Variants in SP140 observed in about 807,000 individuals in gnomAD.
The protein encoded by SP140 is SP140 nuclear body protein, also known as nuclear body protein SP140.
A neutral mutation model predicts 125.0 loss-of-function variants in SP140; 81 were observed. That is an observed-to-expected ratio of 0.65 (90% CI 0.54 to 0.78). The LOEUF (loss-of-function observed/expected upper bound fraction) is 0.78. Among genes scored for constraint, SP140 ranks in the 30% least tolerant of loss-of-function variants. The probability of loss-of-function intolerance (pLI) is 0.00; values close to 1 mark genes in which losing one functional copy is unlikely to be tolerated. For missense variants in SP140, 858 were observed against 1,037.0 expected (o/e 0.83, Z 2.37); for synonymous variants, 312 against 354.0 (o/e 0.88, Z 1.33).
At chr2:230,293,995 A>G (rs189401902) in intron 20 of SP140, among the ~76,000 whole-genome samples, 1 of 152,286 alleles carries the variant, frequency 6.6e-6, no homozygotes, top group Admixed American at 6.5e-5. Flanking sequence ...AAGAGAGGTG[A>G]TAGGTGGTAT....
upstream of SP140, chr2:230,202,507 C>T (rs2148860526): frequency 1.4e-6 from 2 of 1,456,014 alleles, no homozygotes; most frequent in Non-Finnish European, 1.9e-6. Flanking sequence ...ATCTACTTAA[C>T]TCTGTACCTG....
rs185377235 is a variant in SP140 at position 230,264,825 on chromosome 2, C to T, written c.1241-4707C>T. Among the ~76,000 whole-genome samples the T allele has an allele frequency of 9.3e-4, 142 of 152,264 alleles. 2 individuals are homozygous for T. Among genetic ancestry groups the T allele is most frequent in the African/African-American group, 3.2e-3 (132 of 41,548 alleles). On this transcript the variant is annotated intron_variant, in intron 12 of 26. Coordinates refer to ENST00000392045, the MANE Select transcript of SP140 (RefSeq NM_007237.5). Reference sequence around the variant, plus strand: ...TCTGCACAGAGTCCTGTGATGTGAACCATCTATGGGTCTCTCAGCTGTGGA... The same window carrying T: ...TCTGCACAGAGTCCTGTGATGTGAATCATCTATGGGTCTCTCAGCTGTGGA...
At chr2:230,244,517 C>G (rs938280669) in intron 5 of SP140, among the ~76,000 whole-genome samples, 4 of 152,152 alleles carry the variant, frequency 2.6e-5, no homozygotes, top group Non-Finnish European at 5.9e-5. Context: ...GGGAGTGGGC[C>G]AGGGCCTGGT....
At chr2:230,298,595 T>A (rs1453932323) in intron 22 of SP140, among the ~76,000 whole-genome samples, 4 of 152,194 alleles carry the variant, frequency 2.6e-5, no homozygotes, top group Admixed American at 1.3e-4. Flanking sequence ...AGGGAAACAG[T>A]TCCAGCAAAG....
rs748642404 is a variant in SP140, at chr2:230,238,792, A to G, written c.406+411A>G. 12 of 1,553,582 alleles carry G rather than the reference A, an allele frequency of 7.7e-6. No homozygotes were observed. The South Asian group carries it at 1.2e-4, about 15-fold the overall frequency. ...TATCATCCAGTGCAGTCCTGTGTCA[A>G]CTTGTTTCTCCAAACAAAGACTGGA... is the stretch of plus-strand genomic sequence containing the variant. On this transcript the variant is annotated intron_variant, in intron 3 of 26. Coordinates refer to ENST00000392045, the MANE Select transcript of SP140 (RefSeq NM_007237.5).
chr2:230,244,849 C>A, intron 5 of SP140, 139 bp from the exon 6 acceptor site: 1 of 581,008 alleles, frequency 1.7e-6, no homozygotes, highest in Non-Finnish European at 3.1e-6. Flanking sequence ...CAGAGCAAGG[C>A]TGTGGCGGGG....
Position 230,237,325 on chromosome 2 carries a change from G to T in SP140, c.237+65G>T. ...ACTCAATTATGCCAAACTTCAAGAT[G>T]CAATGAGCAGGCTAAAGGGCCTCCT... On this transcript the variant is annotated intron_variant, in intron 2 of 26. Transcript: ENST00000392045. The surrounding 1 kb of genome is among the most constrained non-coding windows in gnomAD (Gnocchi z 5.4). The T allele has an allele frequency of 6.8e-7, 1 of 1,479,442 alleles. No individual in the cohort carries two copies. Among genetic ancestry groups the T allele is most frequent in the Non-Finnish European group, 9.3e-7 (1 of 1,073,658 alleles). The allele number at this position is 1,479,442 out of a possible 1,614,324, so 91.6% of individuals were successfully genotyped here.
upstream of SP140, chr2:230,221,646 G>A (rs1343746048): frequency 6.8e-7 from 1 of 1,469,644 alleles, no homozygotes; most frequent in Non-Finnish European, 9.2e-7. Context: ...CTGTGATGCA[G>A]GGGATGGCGG....
At chr2:230,195,148 T>C in the SP140 span, among the ~76,000 whole-genome samples, 1 of 152,184 alleles carries the variant, frequency 6.6e-6, no homozygotes, top group Non-Finnish European at 1.5e-5. Context: ...CTACAAATAT[T>C]GATCTACAAA....
rs141871163 is a variant in SP140 at position 230,284,022 on chromosome 2, C to T, written c.1499-324C>T. On this transcript the variant is annotated intron_variant, in intron 15 of 26. Coordinates refer to ENST00000392045, the MANE Select transcript of SP140 (RefSeq NM_007237.5). ...TCCTCTCATTGCACATTTGAATTTA[C>T]ACAACAAACACTTGAAAAAGCAACA... Among the ~76,000 whole-genome samples the T allele has an allele frequency of 4.4e-3, 677 of 152,262 alleles. 8 individuals are homozygous for T. The highest frequency in any genetic ancestry group is 0.015 in the African/African-American group (643 of 41,532).
chr2:230,303,242 C>T (rs111996253), intron 22 of SP140, among the ~76,000 whole-genome samples: 2,885 of 152,218 alleles, frequency 0.019, 92 homozygotes, highest in African/African-American at 0.066. Context: ...ACCAACACCA[C>T]AGAAATACAG....
chr2:230,248,042 A>G lies in SP140; in HGVS notation c.869A>G (p.Glu290Gly). 3 of 1,613,830 alleles carry G rather than the reference A, an allele frequency of 1.9e-6. No homozygotes were observed. In the Admixed American group the frequency reaches 5.0e-5, roughly 27 times the overall value. Residue 290 changes from glutamate to glycine, a missense_variant, in exon 8 of 27, where the codon GAG becomes GGG. Transcript: ENST00000392045. Reference sequence around the variant, plus strand: ...AACCAAGACAAGGAGAAGTACCAAGAGAGTCCAGAGGGAAGAGACAAAGGT... The same window carrying G: ...AACCAAGACAAGGAGAAGTACCAAGGGAGTCCAGAGGGAAGAGACAAAGGT... ...KRNQDKEKYQ[E>G]SPEGRDKETF...
At chr2:230,199,708 A>T (rs895564183), upstream of SP140, among the ~76,000 whole-genome samples, 6 of 152,162 alleles carry the variant, frequency 3.9e-5, no homozygotes, top group African/African-American at 1.4e-4. Flanking sequence ...TCTTCTTCAC[A>T]CTTATGCTCT....
chr2:230,191,785 A>G, the SP140 span, among the ~76,000 whole-genome samples: 11 of 152,344 alleles, frequency 7.2e-5, no homozygotes, highest in African/African-American at 2.4e-4. Flanking sequence ...TCATTTTATG[A>G]AGCCAGCATC....
chr2:230,187,455 G>C, the SP140 span, among the ~76,000 whole-genome samples: 1 of 152,112 alleles, frequency 6.6e-6, no homozygotes, highest in African/African-American at 2.4e-5. Context: ...TGTTTACTCT[G>C]ATGTTTATTT....
chr2:230,288,421 C>T (rs1024400551), intron 18 of SP140, among the ~76,000 whole-genome samples: 1 of 152,108 alleles, frequency 6.6e-6, no homozygotes, highest in Non-Finnish European at 1.5e-5. Context: ...TCAGTTTTCT[C>T]ATCTGGAAAG....
upstream of SP140, chr2:230,200,869 A>G (rs201953042): frequency 4.6e-5 from 72 of 1,579,258 alleles, no homozygotes; most frequent in Non-Finnish European, 5.8e-5. Flanking sequence ...TGAGACCAGC[A>G]ATCTCCAAGT....
the SP140 span, among the ~76,000 whole-genome samples, chr2:230,190,262 G>A: frequency 6.6e-6 from 1 of 152,098 alleles, no homozygotes; most frequent in Non-Finnish European, 1.5e-5. Flanking sequence ...GGCATGAGAT[G>A]GTCTCTCATT....
At chr2:230,265,899 G>C (rs1180034480) in intron 12 of SP140, among the ~76,000 whole-genome samples, 1 of 152,060 alleles carries the variant, frequency 6.6e-6, no homozygotes, top group Non-Finnish European at 1.5e-5. Flanking sequence ...ACGTATAAAA[G>C]AAAAGGATTA....
Sources: gnomAD v4.1 joint callset for allele counts (sites outside exome capture counted in the v4.1 genomes callset) on GRCh38, gnomAD v4.1.1 for gene constraint, Gnocchi (gnomAD v3.1) non-coding constraint, MANE v1.5 for transcripts, NCBI Gene and HGNC (gene_info 2026-07-23, HGNC 2026-07-21) for gene names.